Variants in PCDH7 observed in about 807,000 individuals in gnomAD.
The protein encoded by PCDH7 is protocadherin 7.
PCDH7 carries 17 observed loss-of-function variants against 58.9 expected under a neutral mutation model. The observed-to-expected ratio is 0.29, with a 90% CI of 0.20 to 0.43. The LOEUF is 0.43. Among genes scored for constraint, PCDH7 ranks in the 20% least tolerant of loss-of-function variants. The probability of loss-of-function intolerance (pLI) is 1.00; values close to 1 mark genes in which losing one functional copy is unlikely to be tolerated. For missense variants in PCDH7, 1,274 were observed against 1,441.0 expected, an observed-to-expected ratio of 0.88 and a Z score of 1.88; for synonymous variants, 664 against 616.4, an observed-to-expected ratio of 1.08 and a Z score of -1.14.
chr4:30,823,894 G>T (rs1728687185), intron 1 of PCDH7, among the ~76,000 whole-genome samples: 2 of 152,024 alleles, frequency 1.3e-5, no homozygotes, highest in African/African-American at 2.4e-5. Context: ...CACTCCAAAA[G>T]TGCTTTTCTT....
At chr4:31,122,626 G>C (rs1717826465) in intron 3 of PCDH7, among the ~76,000 whole-genome samples, 1 of 151,092 alleles carries the variant, frequency 6.6e-6, no homozygotes, top group African/African-American at 2.4e-5. Flanking sequence ...TTCAAATGCT[G>C]ATATACTTGT....
chr4:31,108,065 C>T (rs1715803919), intron 3 of PCDH7, among the ~76,000 whole-genome samples: 1 of 151,844 alleles, frequency 6.6e-6, no homozygotes, highest in Admixed American at 6.6e-5. Context: ...CCAAAGAAAA[C>T]TACAGAAAAG....
At chr4:31,083,263 T>A (rs1711856727) in intron 3 of PCDH7, among the ~76,000 whole-genome samples, 1 of 152,156 alleles carries the variant, frequency 6.6e-6, no homozygotes, top group Non-Finnish European at 1.5e-5. Context: ...AAATAAAATT[T>A]TTTTAAAGAA....
At chr4:30,937,852 A>T (rs1433890072) in intron 2 of PCDH7, among the ~76,000 whole-genome samples, 4 of 152,042 alleles carry the variant, frequency 2.6e-5, no homozygotes, top group Non-Finnish European at 5.9e-5. Flanking sequence ...CACATGCAGA[A>T]AAGATGCATA....
In PCDH7 at chr4:30,990,034, T is replaced by C. The variant is rs192631765; in HGVS notation, c.*7+39819T>C. On this transcript the variant is annotated intron_variant, in intron 3 of 3. Coordinates refer to the PCDH7 transcript ENST00000509759. ...TAGAATGTTGACAAATACAGACTAA[T>C]AGACTGAAGGACCATATACAAAATT... Among the ~76,000 whole-genome samples, 1,065 of 152,170 alleles carry C rather than the reference T, an allele frequency of 7.0e-3. 10 individuals carry two copies. Among genetic ancestry groups the C allele is most frequent in the Non-Finnish European group, 0.011 (778 of 67,972 alleles).
intron 3 of PCDH7, among the ~76,000 whole-genome samples, chr4:31,046,109 T>C (rs1404786952): frequency 2.6e-5 from 4 of 152,008 alleles, no homozygotes; most frequent in Admixed American, 2.6e-4. Context: ...GGTTGACTTG[T>C]ATATCTGTAT....
At chr4:30,975,167 G>A (rs1749963473) in intron 3 of PCDH7, among the ~76,000 whole-genome samples, 1 of 151,402 alleles carries the variant, frequency 6.6e-6, no homozygotes, top group Admixed American at 6.6e-5. Context: ...GTGTGTGTGT[G>A]TGTGTGTGTG....
intron 1 of PCDH7, among the ~76,000 whole-genome samples, chr4:30,877,405 G>A (rs1201541402): frequency 3.3e-5 from 5 of 152,148 alleles, no homozygotes; most frequent in Non-Finnish European, 7.4e-5. Context: ...GTAGTGTATT[G>A]ATTAGTGAGA....
chr4:31,115,986 G>T (rs146213305), intron 3 of PCDH7, among the ~76,000 whole-genome samples: 1 of 152,122 alleles, frequency 6.6e-6, no homozygotes, highest in Non-Finnish European at 1.5e-5. Flanking sequence ...AAAATGTAAT[G>T]ATGTAATAAC....
chr4:31,053,850 A>G (rs1016026333), intron 3 of PCDH7, among the ~76,000 whole-genome samples: 8 of 152,050 alleles, frequency 5.3e-5, no homozygotes, highest in Admixed American at 3.9e-4. Flanking sequence ...ATAAAATAAT[A>G]TATAAAAATA....
At chr4:30,881,157 C>T (rs1736920178) in intron 1 of PCDH7, among the ~76,000 whole-genome samples, 1 of 152,034 alleles carries the variant, frequency 6.6e-6, no homozygotes, top group Non-Finnish European at 1.5e-5. Context: ...AATGGGGAAA[C>T]AAAATTGATC....
intron 1 of PCDH7, among the ~76,000 whole-genome samples, chr4:30,904,723 T>C (rs1033752068): frequency 6.6e-5 from 10 of 152,188 alleles, no homozygotes; most frequent in African/African-American, 2.4e-4. Context: ...TGGTCACTGG[T>C]AGCTTTCCTT....
chr4:31,076,061 G>A (rs1224096813), intron 3 of PCDH7, among the ~76,000 whole-genome samples: 1 of 152,070 alleles, frequency 6.6e-6, no homozygotes, highest in Non-Finnish European at 1.5e-5. Flanking sequence ...AATATTATGT[G>A]GCATATATAT....
intron 1 of PCDH7, among the ~76,000 whole-genome samples, chr4:30,905,137 T>C (rs1323703085): frequency 6.6e-6 from 1 of 152,220 alleles, no homozygotes; most frequent in Non-Finnish European, 1.5e-5. Flanking sequence ...TTCATTCATT[T>C]CATTATGGGA....
At chr4:30,838,613 C>T (rs1039113959) in intron 1 of PCDH7, among the ~76,000 whole-genome samples, 2 of 152,196 alleles carry the variant, frequency 1.3e-5, no homozygotes, top group African/African-American at 2.4e-5. Flanking sequence ...CCTGGCTTTG[C>T]TAGAGCAGCT....
At chr4:31,045,693 C>T (rs113470614) in intron 3 of PCDH7, among the ~76,000 whole-genome samples, 19 of 152,076 alleles carry the variant, frequency 1.2e-4, no homozygotes, top group African/African-American at 3.9e-4. Context: ...CAACCTATCT[C>T]TCCTGTAATT....
At chr4:31,138,735 G>T (rs763137037) in intron 3 of PCDH7, among the ~76,000 whole-genome samples, 1 of 152,078 alleles carries the variant, frequency 6.6e-6, no homozygotes, top group African/African-American at 2.4e-5. Context: ...ACTTTGGGAG[G>T]CCAAGGCAGG....
At chr4:30,926,507 T>C (rs1478622044) in intron 2 of PCDH7, among the ~76,000 whole-genome samples, 4 of 152,216 alleles carry the variant, frequency 2.6e-5, no homozygotes, top group African/African-American at 9.6e-5. Flanking sequence ...TTTGATATAA[T>C]ACAATGGCTT....
chr4:30,759,443 A>G (rs1018622119), intron 1 of PCDH7, among the ~76,000 whole-genome samples: 4 of 152,174 alleles, frequency 2.6e-5, no homozygotes, highest in East Asian at 1.9e-4. Flanking sequence ...TCTGGGAGTA[A>G]AGGATCTTTG....
Sources: gnomAD v4.1 joint callset for allele counts (sites outside exome capture counted in the v4.1 genomes callset) on GRCh38, gnomAD v4.1.1 for gene constraint, MANE v1.5 for transcripts, NCBI Gene and HGNC (gene_info 2026-07-23, HGNC 2026-07-21) for gene names.